The following KIAA1217 variants were observed in gnomAD, a reference collection of about 807,000 sequenced individuals.
KIAA1217 encodes sickle tail protein homolog.
A neutral mutation model predicts 163.9 loss-of-function variants in KIAA1217; 88 were observed. That is an observed-to-expected ratio of 0.54 (90% CI 0.45 to 0.64). The LOEUF (loss-of-function observed/expected upper bound fraction) is 0.64, where lower values mean the gene tolerates loss of function less well. KIAA1217 is among the 30% of genes least tolerant of loss of function. The probability of loss-of-function intolerance (pLI) is 0.00; values close to 1 mark genes in which losing one functional copy is unlikely to be tolerated. For synonymous variants in KIAA1217, 903 were observed against 923.1 expected (o/e 0.98, Z 0.39); for missense variants, 2,372 against 2,475.0 (o/e 0.96, Z 0.88).
At chr10:23,890,282 T>C (rs180694513) in intron 1 of KIAA1217, among the ~76,000 whole-genome samples, 1 of 151,888 alleles carries the variant, frequency 6.6e-6, no homozygotes, top group Admixed American at 6.6e-5. Flanking sequence ...ATTAGTTCAA[T>C]CTTCCTTTTC....
intron 10 of KIAA1217, among the ~76,000 whole-genome samples, chr10:24,516,788 G>A (rs1191616748): frequency 6.6e-6 from 1 of 152,166 alleles, no homozygotes; most frequent in African/African-American, 2.4e-5. Context: ...TAAGAAAGAA[G>A]TCAAATGCAA....
intron 2 of KIAA1217, among the ~76,000 whole-genome samples, chr10:24,072,363 G>A (rs139939076): frequency 1.3e-5 from 2 of 152,162 alleles, no homozygotes; most frequent in East Asian, 3.9e-4. Context: ...AGTTCCAGAG[G>A]ACAGATAACT....
chr10:23,856,658 A>T (rs1236767507), intron 1 of KIAA1217, among the ~76,000 whole-genome samples: 3 of 152,226 alleles, frequency 2.0e-5, no homozygotes, highest in Non-Finnish European at 2.9e-5. Flanking sequence ...TGTGGTGGGC[A>T]CCACCCAGTT....
At chr10:23,878,854 G>A (rs113360237) in intron 1 of KIAA1217, among the ~76,000 whole-genome samples, 264 of 151,976 alleles carry the variant, frequency 1.7e-3, no homozygotes, top group Non-Finnish European at 2.9e-3. Context: ...GATTGGATTT[G>A]GGGTATGAGA....
At chr10:23,749,942 T>C (rs977349564) in intron 1 of KIAA1217, among the ~76,000 whole-genome samples, 1 of 152,198 alleles carries the variant, frequency 6.6e-6, no homozygotes, top group Non-Finnish European at 1.5e-5. Context: ...CCACAAATTT[T>C]CTTTGTCTCC....
intron 2 of KIAA1217, among the ~76,000 whole-genome samples, chr10:24,200,016 G>A (rs1052720230): frequency 5.3e-5 from 8 of 151,786 alleles, no homozygotes; most frequent in African/African-American, 1.9e-4. Context: ...CAGAAACTCT[G>A]GGAAACCCAC....
intron 2 of KIAA1217, among the ~76,000 whole-genome samples, chr10:24,360,405 G>A (rs1285360370): frequency 6.6e-6 from 1 of 152,146 alleles, no homozygotes; most frequent in Admixed American, 6.5e-5. Flanking sequence ...TTTGTGTCAT[G>A]AGGCTACTAA....
intron 2 of KIAA1217, among the ~76,000 whole-genome samples, chr10:24,193,963 G>A (rs978613279): frequency 3.3e-5 from 5 of 152,040 alleles, no homozygotes; most frequent in Admixed American, 2.6e-4. Context: ...TAGGTGGATG[G>A]ATCACCTGTG....
intron 2 of KIAA1217, among the ~76,000 whole-genome samples, chr10:24,120,505 A>G (rs888348403): frequency 9.9e-5 from 15 of 152,192 alleles, no homozygotes; most frequent in African/African-American, 2.7e-4. Context: ...TGTTGCCCCT[A>G]TAGCCTCTTT....
chr10:23,894,564 C>T (rs572974110), intron 1 of KIAA1217, among the ~76,000 whole-genome samples: 3 of 150,552 alleles, frequency 2.0e-5, no homozygotes, highest in African/African-American at 4.9e-5. Flanking sequence ...GGCCATGCTG[C>T]CCAAGGTAAT....
chr10:23,920,556 A>T (rs941431483), intron 1 of KIAA1217, among the ~76,000 whole-genome samples: 1 of 152,234 alleles, frequency 6.6e-6, no homozygotes, highest in Non-Finnish European at 1.5e-5. Context: ...TACCAAGCTT[A>T]TAAGAATCTT....
intron 2 of KIAA1217, among the ~76,000 whole-genome samples, chr10:24,293,893 C>T (rs1019751108): frequency 1.3e-5 from 2 of 152,138 alleles, no homozygotes; most frequent in African/African-American, 4.8e-5. Context: ...CTCCGACCGA[C>T]GTCTTTGAAA....
chr10:23,752,555 CA>C (rs1839794641), intron 1 of KIAA1217, among the ~76,000 whole-genome samples: 1 of 152,250 alleles, frequency 6.6e-6, no homozygotes, highest in Admixed American at 6.5e-5. Context: ...ATATAACGTT[CA>C]TTTTTATTTT....
rs114897009 is a variant in KIAA1217, at chr10:24,448,430, C to T, written c.846+9951C>T. 5.1e-3 allele frequency among the ~76,000 whole-genome samples: 777 copies of T among 152,222 alleles called. 10 individuals carry two copies. Among genetic ancestry groups the T allele is most frequent in the African/African-American group, 0.018 (748 of 41,522 alleles). Reference sequence around the variant, plus strand: ...GAAGGCAGGGTCTTGCTCTGTCACCCAGTTTGGAATGCAGTGGCACAATCA... The same window carrying T: ...GAAGGCAGGGTCTTGCTCTGTCACCTAGTTTGGAATGCAGTGGCACAATCA... On this transcript the variant is annotated intron_variant, in intron 5 of 20. Coordinates refer to ENST00000376454, the MANE Select transcript of KIAA1217 (RefSeq NM_019590.5).
upstream of KIAA1217, among the ~76,000 whole-genome samples, chr10:24,205,346 A>G (rs7897795): frequency 0.55 from 78,871 of 143,228 alleles, 21,991 homozygotes; most frequent in East Asian, 0.65. Context: ...GTGGTGGCAC[A>G]TGCCTGTAAT....
intron 2 of KIAA1217, among the ~76,000 whole-genome samples, chr10:24,234,528 G>A (rs1451124156): frequency 6.6e-6 from 1 of 151,812 alleles, no homozygotes; most frequent in Admixed American, 6.6e-5. Flanking sequence ...GCTGGGTGTG[G>A]TGACGCATGC....
chr10:23,704,172 G>GTGTGTGTATGTGTATATATATA (rs1229370789), intron 1 of KIAA1217, among the ~76,000 whole-genome samples: 1 of 39,926 alleles, frequency 2.5e-5, no homozygotes, highest in African/African-American at 1.3e-4. Flanking sequence ...GTGTGTGTGT[G>GTGTGTGTATGTGTATATATATA]TATATATATA....
At chr10:24,074,084 C>A (rs541863240) in intron 2 of KIAA1217, among the ~76,000 whole-genome samples, 1 of 152,286 alleles carries the variant, frequency 6.6e-6, no homozygotes, top group South Asian at 2.1e-4. Context: ...TGGCTCATGC[C>A]TGTAACCCCA....
At position 24,272,820 on chromosome 10, in the gene KIAA1217, A is replaced by G. The variant is rs370558815; in HGVS notation, c.354+52911A>G. 1.2e-4 allele frequency among the ~76,000 whole-genome samples: 19 copies of G among 152,352 alleles called. 1 individual carries two copies. The highest frequency in any genetic ancestry group is 1.0e-3 in the Admixed American group (16 of 15,304). On this transcript the variant is annotated intron_variant, in intron 2 of 20. Coordinates refer to ENST00000376454, the MANE Select transcript of KIAA1217 (RefSeq NM_019590.5). ...CCTTATGAGTTATTCGCCTGAAGGA[A>G]GAATTCTTCATTTCTTTTTCTTTTA... is the stretch of plus-strand genomic sequence containing the variant.
Sources: gnomAD v4.1 joint callset for allele counts (sites outside exome capture counted in the v4.1 genomes callset) on GRCh38, gnomAD v4.1.1 for gene constraint, MANE v1.5 for transcripts, NCBI Gene and HGNC (gene_info 2026-07-23, HGNC 2026-07-21) for gene names.